SF1: variants seen among roughly 807,000 people sequenced by gnomAD.
SF1 encodes the protein branch point-binding protein.
SF1 carries 7 observed loss-of-function variants against 62.5 expected under a neutral mutation model. That is an observed-to-expected ratio of 0.11 (90% CI 0.06 to 0.21). The LOEUF is 0.21. SF1 is among the 10% of genes least tolerant of loss of function. The pLI is 1.00. For missense variants in SF1, 578 were observed against 884.0 expected (o/e 0.65, Z 4.39); for synonymous variants, 394 against 323.6 (o/e 1.22, Z -2.33).
chr11:64,766,355 GGCTTAACAGAGTAA>G, intron 12 of SF1, 200 bp from the exon 13 acceptor site: 2 of 593,584 alleles, frequency 3.4e-6, no homozygotes, highest in South Asian at 4.0e-5. Context: ...GAGGTCTCTG[GGCTTAACAGAGTAA>G]GCCCTTTGTC....
Position 64,767,196 on chromosome 11 carries a change from T to C in SF1, c.1398A>G (p.Gly466=). Reference sequence around the variant, plus strand: ...CAGCCAGCAGACAGCCATTACCTTTTCCTTGATGCAGGCGATAGACCCCAG... The same window carrying C: ...CAGCCAGCAGACAGCCATTACCTTTCCCTTGATGCAGGCGATAGACCCCAG... The part of the protein sequence containing the change: ...VGSGVYRLHQ[G]KGMMPPPPMG... The change falls in exon 11 of 13, where the codon GGA becomes GGG. Residue 466 remains glycine (G), a synonymous_variant. Coordinates refer to ENST00000377390, the MANE Select transcript of SF1 (RefSeq NM_004630.4). 6.2e-7 allele frequency: 1 copy of C among 1,614,072 alleles called. No individual in the cohort carries two copies. The highest frequency in any genetic ancestry group is 8.5e-7 in the Non-Finnish European group (1 of 1,179,974).
chr11:64,768,283 A>G lies in SF1; in HGVS notation c.891T>C (p.Pro297=). 6.2e-7 allele frequency: 1 copy of G among 1,612,798 alleles called. No homozygotes were observed. Residue 297 remains proline, a synonymous_variant, in exon 9 of 13, where the codon CCT becomes CCC. Coordinates refer to ENST00000377390, the MANE Select transcript of SF1 (RefSeq NM_004630.4). The part of the protein sequence containing the change: ...HIASDCKFQR[P]GDPQSAQDKA... The stretch of plus-strand genomic sequence containing the variant: ...TATCCTGAGCTGACTGAGGATCACC[A>G]GGCCTGAAGTGGGGTGGGGGACACA...
In SF1 at chr11:64,776,544, T is replaced by C. The variant is rs760106172; in HGVS notation, c.114A>G (p.Thr38=). 2.5e-6 allele frequency: 4 copies of C among 1,578,966 alleles called. No homozygotes were observed. The South Asian group carries it at 3.5e-5, about 14-fold the overall frequency. The change falls in exon 2 of 13, where the codon ACA becomes ACG. Residue 38 remains threonine, a synonymous_variant. Transcript: ENST00000377390. ...EQKTVIPGMP[T]VIPPGLTREQ... ...CTCGAGTAAGTCCAGGGGGAATAAC[T>C]GTAGGCATTCCTGGAATCACTGTCT...
chr11:64,778,526 G>A lies in SF1; in HGVS notation c.-134C>T. ...CCCGTCCTCTCACGCGGCGGGCGGC[G>A]GCGGCGCGAGACGCACAAAGAGGGA... On this transcript the variant is annotated 5_prime_UTR_variant, in exon 1 of 13. Coordinates refer to ENST00000377390, the MANE Select transcript of SF1 (RefSeq NM_004630.4). 1 of 1,207,992 alleles carries A rather than the reference G, an allele frequency of 8.3e-7. No homozygotes were observed. The highest frequency in any genetic ancestry group is 1.0e-6 in the Non-Finnish European group (1 of 972,214). 74.8% of individuals were successfully genotyped at this position (1,207,992 alleles called of 1,614,324 possible). A position where few individuals can be genotyped will look rare whatever the true frequency, so the allele number is the denominator to read the frequency against.
At position 64,778,482 on chromosome 11, in the gene SF1, G is replaced by C; in HGVS notation, c.-90C>G. The C allele has an allele frequency of 1.7e-6, 2 of 1,204,472 alleles. No homozygotes were observed. The highest frequency in any genetic ancestry group is 2.1e-6 in the Non-Finnish European group (2 of 969,528). The allele number at this position is 1,204,472 out of a possible 1,614,324, so 74.6% of individuals were successfully genotyped here. ...TCCCGGGGGGAGGGGACCCGAATGC[G>C]CTGCCGGAGCGCGCGGAGCCCGTCC... On this transcript the variant is annotated 5_prime_UTR_variant, in exon 1 of 13. Coordinates refer to ENST00000377390, the MANE Select transcript of SF1 (RefSeq NM_004630.4).
chr11:64,767,284 G>C (rs770815460), intron 10 of SF1, 33 bp from the exon 11 acceptor site: 1 of 1,608,716 alleles, frequency 6.2e-7, no homozygotes, highest in South Asian at 1.1e-5. Flanking sequence ...GACTTAGCAG[G>C]ACATTGGAAC....
Position 64,778,368 on chromosome 11 carries a change from G to A in SF1, c.25C>T (p.Pro9Ser). 2 of 1,228,128 alleles carry A rather than the reference G, an allele frequency of 1.6e-6. No individual in the cohort carries two copies. The highest frequency in any genetic ancestry group is 4.0e-5 in the South Asian group (1 of 24,732). 76.1% of individuals were successfully genotyped at this position (1,228,128 alleles called of 1,614,324 possible). A position where few individuals can be genotyped will look rare whatever the true frequency, so the allele number is the denominator to read the frequency against. Residue 9 changes from proline (P) to serine (S), a missense_variant, in exon 1 of 13, where the codon CCG becomes TCG. Pro to Ser is a moderately conservative substitution (Grantham distance 74, BLOSUM62 -1). Transcript: ENST00000377390. ...CCGGGGGGGCCCAGCTTACCCAACG[G>A]CGTGGCGTTCGCTCCGGTCGCCATG... MATGANAT[P>S]LDFPSKKRKR...
At chr11:64,770,495 GC>G in intron 3 of SF1, 87 bp from the exon 4 acceptor site, 1 of 1,439,372 alleles carries the variant, frequency 6.9e-7, no homozygotes, top group Non-Finnish European at 9.6e-7. Context: ...CAGCCCCTCT[GC>G]CTCTCAGACC....
chr11:64,767,349 T>A (rs2058751917), intron 10 of SF1, 98 bp from the exon 11 acceptor site: 2 of 1,265,968 alleles, frequency 1.6e-6, no homozygotes, highest in East Asian at 4.7e-5. Flanking sequence ...ACGCGAGTTC[T>A]GAAAACCATG....
chr11:64,771,783 CAAT>C (rs1938362078), intron 3 of SF1: 2 of 985,004 alleles, frequency 2.0e-6, no homozygotes, highest in Non-Finnish European at 2.4e-6. Flanking sequence ...ATCAAAATAA[CAAT>C]AAAGTGGCTT....
At chr11:64,770,567 T>C in intron 3 of SF1, 159 bp from the exon 4 acceptor site, 2 of 734,442 alleles carry the variant, frequency 2.7e-6, no homozygotes, top group Non-Finnish European at 2.2e-6. Flanking sequence ...TCGTGTGGAA[T>C]GGGGAGATGG....
At chr11:64,775,084 G>A (rs376834592) in intron 2 of SF1, among the ~76,000 whole-genome samples, 3 of 152,062 alleles carry the variant, frequency 2.0e-5, no homozygotes, top group Admixed American at 6.5e-5. Context: ...TTCTGACTTT[G>A]CAGTTGAGTA....
rs374326100 is a variant in SF1 at position 64,773,519 on chromosome 11, G to A, written c.161-14C>T. 3.1e-6 allele frequency: 5 copies of A among 1,600,242 alleles called. No individual in the cohort carries two copies. The highest frequency in any genetic ancestry group is 4.3e-6 in the Non-Finnish European group (5 of 1,176,188). ...TCTGCAGTTGCACTGGAAGAAACCA[G>A]GTTAGGAAAGAAAAAAAAGGATGGA... On this transcript the variant is annotated splice_polypyrimidine_tract_variant and intron_variant, in intron 2 of 12. Coordinates refer to ENST00000377390, the MANE Select transcript of SF1 (RefSeq NM_004630.4).
At chr11:64,766,855 A>ACCGG in intron 12 of SF1, 45 bp downstream of exon 12, 1 of 528,762 alleles carries the variant, frequency 1.9e-6, no homozygotes, top group Non-Finnish European at 3.4e-6. Flanking sequence ...TGTCAGCCCC[A>ACCGG]CCCCCATCCC....
intron 3 of SF1, 89 bp downstream of exon 3, chr11:64,773,341 T>A: frequency 6.5e-7 from 1 of 1,547,872 alleles, no homozygotes; most frequent in East Asian, 2.4e-5. Context: ...TATGATTTTA[T>A]TGAACTGACA....
At chr11:64,769,813 A>C in intron 5 of SF1, 151 bp downstream of exon 5, 1 of 738,048 alleles carries the variant, frequency 1.4e-6, no homozygotes, top group Non-Finnish European at 2.2e-6. Flanking sequence ...AAGTTAAGAC[A>C]CCTTCTCACA....
intron 3 of SF1, chr11:64,771,972 C>CGGT: frequency 1.0e-6 from 1 of 985,376 alleles, no homozygotes; most frequent in East Asian, 1.1e-4. Context: ...ATTTCTAATT[C>CGGT]CCACCCCACA....
Position 64,778,519 on chromosome 11 carries a change from G to C in SF1, c.-127C>G. 3 of 1,202,318 alleles carry C rather than the reference G, an allele frequency of 2.5e-6. No individual in the cohort carries two copies. In the Admixed American group the frequency reaches 1.3e-4, roughly 53 times the overall value. 74.5% of individuals were successfully genotyped at this position (1,202,318 alleles called of 1,614,324 possible). On this transcript the variant is annotated 5_prime_UTR_variant, in exon 1 of 13. Coordinates refer to ENST00000377390, the MANE Select transcript of SF1 (RefSeq NM_004630.4). ...CGCGGAGCCCGTCCTCTCACGCGGCGGGCGGCGGCGGCGCGAGACGCACAA... is the reference window on the plus strand; with the variant it reads ...CGCGGAGCCCGTCCTCTCACGCGGCCGGCGGCGGCGGCGCGAGACGCACAA...
At chr11:64,772,360 AAC>A (rs1304035658) in intron 3 of SF1, 2 of 984,172 alleles carry the variant, frequency 2.0e-6, no homozygotes, top group Non-Finnish European at 2.4e-6. Context: ...AACGAAACAC[AAC>A]ACAACCCTAC....
Sources: allele counts gnomAD v4.1 joint callset (sites outside exome capture counted in the v4.1 genomes callset), GRCh38; gene constraint gnomAD v4.1.1; transcripts MANE v1.5; gene names NCBI Gene and HGNC (gene_info 2026-07-23, HGNC 2026-07-21).